The following ERI3 variants were observed in gnomAD, a reference collection of about 807,000 sequenced individuals.
ERI3 encodes the protein ERI1 exoribonuclease family member 3, also known as ERI1 exoribonuclease 3.
Under a neutral mutation model 44.4 loss-of-function variants are expected in ERI3, and 18 were observed. That is an observed-to-expected ratio of 0.41 (90% CI 0.28 to 0.60). The LOEUF is 0.60. Among genes scored for constraint, ERI3 ranks in the 20% least tolerant of loss-of-function variants. ERI3 has a pLI of 0.36. For missense variants in ERI3, 294 were observed against 435.5 expected, an observed-to-expected ratio of 0.68 and a Z score of 2.89; for synonymous variants, 183 against 164.8, an observed-to-expected ratio of 1.11 and a Z score of -0.84.
chr1:44,285,598 C>T (rs1402764638), intron 6 of ERI3, among the ~76,000 whole-genome samples: 1 of 152,190 alleles, frequency 6.6e-6, no homozygotes, highest in African/African-American at 2.4e-5. Flanking sequence ...AATTTATCAA[C>T]TATCTCCCCC....
At chr1:44,255,567 C>A (rs1480962712) in intron 7 of ERI3, among the ~76,000 whole-genome samples, 1 of 152,132 alleles carries the variant, frequency 6.6e-6, no homozygotes, top group Non-Finnish European at 1.5e-5. Flanking sequence ...TTTCTAATTT[C>A]CAAATCTGTA....
Position 44,354,933 on chromosome 1 carries a change from G to C in ERI3, c.94C>G (p.Pro32Ala). The part of the protein sequence containing the change: ...SWPPAPPLTL[P>A]WTWMGPSWGQ... ...CAACTCGGGCCCATCCAAGTCCAGG[G>C]GAGAGTAAGGGGAGGGGCGGGGGGC... The change falls in exon 1 of 9, where the codon CCC becomes GCC. Residue 32 changes from proline (P) to alanine (A), a missense_variant. Physicochemically the swap from Pro to Ala is conservative, Grantham distance 27. Coordinates refer to ENST00000372257, the MANE Select transcript of ERI3 (RefSeq NM_024066.3). The C allele has an allele frequency of 7.5e-7, 1 of 1,332,526 alleles. No individual in the cohort carries two copies. The allele number at this position is 1,332,526 out of a possible 1,614,324, so 82.5% of individuals were successfully genotyped here. A position where few individuals can be genotyped will look rare whatever the true frequency, so the allele number is the denominator to read the frequency against.
In ERI3 at chr1:44,354,607, G is replaced by A. The variant is rs1008615605; in HGVS notation, c.135+285C>T. On this transcript the variant is annotated intron_variant, in intron 1 of 8. Coordinates refer to ENST00000372257, the MANE Select transcript of ERI3 (RefSeq NM_024066.3). ...GTGTTGGCGAGAGGGTCAAGGGAAT[G>A]TTCTACCCACAATCTCCATGCTCCA... The A allele has an allele frequency of 1.2e-5, 12 of 985,366 alleles. No homozygotes were observed. In the African/African-American group the frequency reaches 1.7e-4, roughly 14 times the overall value. 61.0% of individuals were successfully genotyped at this position (985,366 alleles called of 1,614,324 possible).
intron 8 of ERI3, among the ~76,000 whole-genome samples, chr1:44,236,563 G>A (rs1459523431): frequency 6.6e-6 from 1 of 152,052 alleles, no homozygotes; most frequent in Non-Finnish European, 1.5e-5. Flanking sequence ...GTTGTGGGGT[G>A]GAAATATGGG....
chr1:44,232,468 A>AT (rs1644208369), intron 8 of ERI3, among the ~76,000 whole-genome samples: 4 of 152,350 alleles, frequency 2.6e-5, no homozygotes, highest in African/African-American at 9.6e-5. Flanking sequence ...AAGGCATTCT[A>AT]TGAGTATGGC....
At chr1:44,308,216 C>T (rs1294815941) in intron 6 of ERI3, 94 bp downstream of exon 6, 3 of 874,138 alleles carry the variant, frequency 3.4e-6, no homozygotes, top group African/African-American at 1.7e-5. Context: ...AATCCCTGAT[C>T]CAGCTGCCTT....
At chr1:44,315,768 G>A (rs1646075262) in intron 4 of ERI3, among the ~76,000 whole-genome samples, 1 of 152,216 alleles carries the variant, frequency 6.6e-6, no homozygotes, top group African/African-American at 2.4e-5. Flanking sequence ...CCTTCTCAGG[G>A]AAGGCCTCAG....
At position 44,225,950 on chromosome 1, in the gene ERI3, C is replaced by T. The variant is rs1459097170; in HGVS notation, c.932-4310G>A. Among the ~76,000 whole-genome samples, 3 of 152,166 alleles carry T rather than the reference C, an allele frequency of 2.0e-5. No individual in the cohort carries two copies. In the South Asian group the frequency reaches 6.2e-4, roughly 31 times the overall value. On this transcript the variant is annotated intron_variant, in intron 8 of 8. Coordinates refer to ENST00000372257, the MANE Select transcript of ERI3 (RefSeq NM_024066.3). ...TGGCTTCTGAGGGATGTGCAAGACT[C>T]TGTAGCTCCCTGCCTTCAAGGAACT...
In ERI3 at chr1:44,316,805, G is replaced by T. The variant is rs1259434089; in HGVS notation, c.606+2823C>A. Among the ~76,000 whole-genome samples, 8 of 152,046 alleles carry T rather than the reference G, an allele frequency of 5.3e-5. No homozygotes were observed. The East Asian group carries it at 1.5e-3, about 29-fold the overall frequency. On this transcript the variant is annotated intron_variant, in intron 4 of 8. Coordinates refer to ENST00000372257, the MANE Select transcript of ERI3 (RefSeq NM_024066.3). ...ATAACAACAACAAAAAGAAGACATG[G>T]TTAGGGACTGTGCAGCAGCCCAGCT...
chr1:44,256,826 T>C (rs1644790932), intron 7 of ERI3: 1 of 152,252 alleles, frequency 6.6e-6, no homozygotes, highest in Non-Finnish European at 1.5e-5. Context: ...CTCAGATTTC[T>C]TGGCTTCACC....
intron 2 of ERI3, among the ~76,000 whole-genome samples, chr1:44,349,166 G>A (rs1302227413): frequency 6.6e-6 from 1 of 152,078 alleles, no homozygotes; most frequent in Non-Finnish European, 1.5e-5. Flanking sequence ...TTGTTGTTTT[G>A]TCTTGAGATG....
chr1:44,327,252 A>G (rs980080166), intron 3 of ERI3, among the ~76,000 whole-genome samples: 1 of 152,168 alleles, frequency 6.6e-6, no homozygotes, highest in African/African-American at 2.4e-5. Context: ...TGCCAAGCCC[A>G]AAAAAATCTC....
At chr1:44,227,142 G>A (rs1306921973) in intron 8 of ERI3, among the ~76,000 whole-genome samples, 1 of 152,194 alleles carries the variant, frequency 6.6e-6, no homozygotes, top group Non-Finnish European at 1.5e-5. Flanking sequence ...GACTAAGAGG[G>A]AGTGTGGCCT....
chr1:44,312,749 G>A (rs1646000656), intron 5 of ERI3, among the ~76,000 whole-genome samples: 1 of 152,226 alleles, frequency 6.6e-6, no homozygotes, highest in African/African-American at 2.4e-5. Context: ...GGAGTTCTGG[G>A]TGAGTTAATG....
At chr1:44,310,622 G>A (rs1572245678) in intron 5 of ERI3, among the ~76,000 whole-genome samples, 2 of 152,272 alleles carry the variant, frequency 1.3e-5, no homozygotes, top group South Asian at 2.1e-4. Context: ...ATATCTTTAA[G>A]TATCTTAAGT....
chr1:44,251,897 G>C (rs1418317199), intron 7 of ERI3, among the ~76,000 whole-genome samples: 1 of 152,166 alleles, frequency 6.6e-6, no homozygotes, highest in African/African-American at 2.4e-5. Context: ...GGGGGAATGG[G>C]GATATGGGGC....
chr1:44,229,174 G>C (rs1369563165), intron 8 of ERI3, among the ~76,000 whole-genome samples: 1 of 152,112 alleles, frequency 6.6e-6, no homozygotes, highest in Non-Finnish European at 1.5e-5. Flanking sequence ...CCAGGCTCAA[G>C]AACAGACATG....
At chr1:44,255,190 T>G (rs1644756619) in intron 7 of ERI3, among the ~76,000 whole-genome samples, 2 of 152,160 alleles carry the variant, frequency 1.3e-5, no homozygotes, top group South Asian at 4.1e-4. Flanking sequence ...GCTACTGCTG[T>G]TCTCCTGTTA....
rs144188025 is a variant in ERI3, at chr1:44,332,519, A to T, written c.489+6526T>A. 1.2e-3 allele frequency among the ~76,000 whole-genome samples: 182 copies of T among 152,326 alleles called. 5 individuals carry two copies. In the East Asian group the frequency reaches 0.027, roughly 22 times the overall value. On this transcript the variant is annotated intron_variant, in intron 3 of 8. Transcript: ENST00000372257. ...AAGGTATAAACCCTGGGGAAGGTGG[A>T]GAAGCAGTCTGAATAGAGCAAATAA...
Sources: gnomAD v4.1 joint callset for allele counts (sites outside exome capture counted in the v4.1 genomes callset) on GRCh38, gnomAD v4.1.1 for gene constraint, MANE v1.5 for transcripts, NCBI Gene and HGNC (gene_info 2026-07-23, HGNC 2026-07-21) for gene names.